The following MED12L variants were observed in gnomAD, a reference collection of about 807,000 sequenced individuals.
MED12L encodes the protein mediator complex subunit 12L, also known as mediator of RNA polymerase II transcription subunit 12-like protein.
In MED12L, 60 loss-of-function variants were observed where a neutral mutation model predicts 281.3. That is an observed-to-expected ratio of 0.21 (90% CI 0.17 to 0.26). MED12L has a LOEUF of 0.26. MED12L is among the 10% of genes least tolerant of loss of function. The pLI, the probability that MED12L is intolerant of heterozygous loss-of-function variation, is 1.00. For missense variants in MED12L, 2,146 were observed against 2,680.9 expected (o/e 0.80, Z 4.41); for synonymous variants, 974 against 987.2 (o/e 0.99, Z 0.25).
chr3:151,356,746 T>C (rs1753975157), intron 19 of MED12L, among the ~76,000 whole-genome samples: 1 of 152,320 alleles, frequency 6.6e-6, no homozygotes, highest in East Asian at 1.9e-4. Context: ...ACAAACCTTA[T>C]GATTTGATTT....
intron 4 of MED12L, among the ~76,000 whole-genome samples, chr3:151,124,351 G>C (rs1036528174): frequency 6.6e-6 from 1 of 152,180 alleles, no homozygotes; most frequent in Non-Finnish European, 1.5e-5. Flanking sequence ...GCCAAGTCAG[G>C]TGTTCCTCAG....
At chr3:151,313,846 C>T (rs180917602) in intron 16 of MED12L, among the ~76,000 whole-genome samples, 64 of 151,838 alleles carry the variant, frequency 4.2e-4, no homozygotes, top group Admixed American at 4.1e-3. Flanking sequence ...ATCGCTTGAA[C>T]GCAGGAGGCA....
chr3:151,411,124 GTAGTCCTC>G (rs1011733246), intron 40 of MED12L, among the ~76,000 whole-genome samples, 146 bp from the exon 41 acceptor site: 2 of 152,138 alleles, frequency 1.3e-5, no homozygotes, highest in East Asian at 1.9e-4. Context: ...TGCATCCAGG[GTAGTCCTC>G]CTCAAATTTT....
intron 39 of MED12L, among the ~76,000 whole-genome samples, chr3:151,407,970 AT>A (rs1290191381): frequency 6.6e-6 from 1 of 152,178 alleles, no homozygotes; most frequent in Non-Finnish European, 1.5e-5. Flanking sequence ...TTGGTTTTTC[AT>A]TAGGATGATT....
intron 5 of MED12L, among the ~76,000 whole-genome samples, chr3:151,152,939 T>C (rs1051989154): frequency 1.3e-5 from 2 of 152,260 alleles, no homozygotes; most frequent in Non-Finnish European, 2.9e-5. Context: ...CCTCCTCTGC[T>C]GAGCTTCCAT....
chr3:151,182,021 TA>T (rs1473646792), intron 11 of MED12L, among the ~76,000 whole-genome samples: 10 of 152,178 alleles, frequency 6.6e-5, no homozygotes, highest in African/African-American at 1.2e-4. Flanking sequence ...TTAGCTAAAT[TA>T]TTTTTTTTAA....
chr3:151,091,856 T>C (rs1720089036), intron 2 of MED12L, among the ~76,000 whole-genome samples: 1 of 152,224 alleles, frequency 6.6e-6, no homozygotes, highest in South Asian at 2.1e-4. Context: ...CTCAGCTTCC[T>C]CAACCATGGA....
chr3:151,123,666 C>T (rs955029115), intron 4 of MED12L, among the ~76,000 whole-genome samples: 1 of 152,170 alleles, frequency 6.6e-6, no homozygotes, highest in African/African-American at 2.4e-5. Flanking sequence ...TCTTGCACAA[C>T]TTTGAAATAA....
chr3:151,199,369 G>A, intron 16 of MED12L: 2 of 1,609,064 alleles, frequency 1.2e-6, no homozygotes, highest in Non-Finnish European at 8.5e-7. Flanking sequence ...CTGGGCAGAA[G>A]AACGAACTGT....
At chr3:151,329,028 T>C in intron 16 of MED12L, 1 of 1,522,166 alleles carries the variant, frequency 6.6e-7, no homozygotes, top group Non-Finnish European at 8.8e-7. Context: ...TAAACATATA[T>C]ACAAACAAAA....
In MED12L at chr3:151,124,746, G is replaced by A. The variant is rs894556674; in HGVS notation, c.396+1772G>A. Among the ~76,000 whole-genome samples the A allele has an allele frequency of 4.6e-5, 7 of 152,310 alleles. No homozygotes were observed. The South Asian group carries it at 1.2e-3, about 27-fold the overall frequency. ...ACTGTGAAGCTTCACAGCGCGCCAA[G>A]GCGTTTATCCACAGAGAGGCTTGTA... On this transcript the variant is annotated intron_variant, in intron 4 of 44. Transcript: ENST00000687756.
intron 2 of MED12L, among the ~76,000 whole-genome samples, chr3:151,099,099 C>G (rs907079884): frequency 6.6e-6 from 1 of 152,134 alleles, no homozygotes; most frequent in African/African-American, 2.4e-5. Flanking sequence ...CAGGTCCCTC[C>G]CATAACAGGT....
At chr3:151,355,524 A>G (rs1333413386) in intron 18 of MED12L, among the ~76,000 whole-genome samples, 1 of 152,204 alleles carries the variant, frequency 6.6e-6, no homozygotes, top group East Asian at 1.9e-4. Flanking sequence ...CCTATATTGC[A>G]ATTGATGAGA....
At chr3:151,385,883 C>T (rs1236043954) in intron 36 of MED12L, among the ~76,000 whole-genome samples, 1 of 152,070 alleles carries the variant, frequency 6.6e-6, no homozygotes, top group Non-Finnish European at 1.5e-5. Flanking sequence ...GTCAGTTACT[C>T]TTTTAATGAA....
chr3:151,198,735 C>T (rs144703231), intron 16 of MED12L: 1 of 1,613,444 alleles, frequency 6.2e-7, no homozygotes, highest in Non-Finnish European at 8.5e-7. Flanking sequence ...GCCTTTTTCA[C>T]ATTTGGGTAA....
At chr3:151,213,919 T>A (rs1173953168) in intron 16 of MED12L, 1 of 1,614,176 alleles carries the variant, frequency 6.2e-7, no homozygotes, top group Admixed American at 1.7e-5. Flanking sequence ...ACTCACTGAC[T>A]GGATGAAAGA....
In MED12L at chr3:151,127,937, T is replaced by C. The variant is rs1371924628; in HGVS notation, c.509T>C (p.Ile170Thr). 1 of 1,614,142 alleles carries C rather than the reference T, an allele frequency of 6.2e-7. No homozygotes were observed. Among genetic ancestry groups the C allele is most frequent in the Admixed American group, 1.7e-5 (1 of 60,026 alleles). Residue 170 changes from isoleucine to threonine, a missense_variant, in exon 5 of 45, where the codon ATA becomes ACA. Physicochemically the swap from Ile to Thr is moderately conservative, Grantham distance 89. This residue lies in a region of MED12L where 722 missense variants were observed against 861.2 expected (regional missense o/e 0.84). Transcript: ENST00000687756. ...IKMTCAYYSA[I>T]SEAKIKKRQA... The stretch of plus-strand genomic sequence containing the variant: ...ATGACTTGTGCCTATTATTCTGCTA[T>C]ATCTGAAGCTAAAATTAAGAAACGT...
At chr3:151,398,148 C>T (rs1032167557) in intron 39 of MED12L, among the ~76,000 whole-genome samples, 2 of 152,172 alleles carry the variant, frequency 1.3e-5, no homozygotes, top group African/African-American at 4.8e-5. Context: ...TTCTTAGTAG[C>T]CTTAATCCTC....
intron 2 of MED12L, among the ~76,000 whole-genome samples, chr3:151,097,083 G>T (rs1720811553): frequency 6.6e-6 from 1 of 152,122 alleles, no homozygotes. Context: ...CAGCCTCTGG[G>T]GATAGCTCTG....
Sources: gnomAD v4.1 joint callset for allele counts (sites outside exome capture counted in the v4.1 genomes callset) on GRCh38, gnomAD v4.1.1 for gene constraint, gnomAD v4.1.1 regional missense constraint, MANE v1.5 for transcripts, NCBI Gene and HGNC (gene_info 2026-07-23, HGNC 2026-07-21) for gene names.